Variants in CADM2 observed in about 807,000 individuals in gnomAD.
CADM2 encodes the protein cell adhesion molecule 2.
Under a neutral mutation model 49.8 loss-of-function variants are expected in CADM2, and 12 were observed. That is an observed-to-expected ratio of 0.24 (90% confidence interval 0.15 to 0.39). The LOEUF is 0.39. CADM2 is among the 10% of genes least tolerant of loss of function. The probability of loss-of-function intolerance (pLI) is 1.00; values close to 1 mark genes in which losing one functional copy is unlikely to be tolerated. For synonymous variants in CADM2, 214 were observed against 175.4 expected, an observed-to-expected ratio of 1.22 and a Z score of -1.74; for missense variants, 378 against 492.3, an observed-to-expected ratio of 0.77 and a Z score of 2.20.
At chr3:85,134,375 G>A (rs1371623832) in intron 1 of CADM2, among the ~76,000 whole-genome samples, 2 of 152,220 alleles carry the variant, frequency 1.3e-5, no homozygotes, top group Non-Finnish European at 1.5e-5. Context: ...CAGAGGAGGC[G>A]CCGAGAGCGA....
chr3:85,511,890 T>G, intron 1 of CADM2: 2 of 980,970 alleles, frequency 2.0e-6, no homozygotes, highest in Non-Finnish European at 1.2e-6. Context: ...GTAATCAGAC[T>G]GCATCAAGGT....
At position 85,529,815 on chromosome 3, in the gene CADM2, T is replaced by C. The variant is rs571946531; in HGVS notation, c.62-196707T>C. Among the ~76,000 whole-genome samples the C allele has an allele frequency of 5.3e-5, 8 of 152,214 alleles. No individual in the cohort carries two copies. The South Asian group carries it at 1.5e-3, about 28-fold the overall frequency. On this transcript the variant is annotated intron_variant, in intron 1 of 9. Coordinates refer to ENST00000383699, the MANE Select transcript of CADM2 (RefSeq NM_001167675.2). ...ACTCAGATTCACTCTTCTGGTTAAT[T>C]CATCTTCAGGTACCTGCTCCGATGT...
rs1212385299 is a variant in CADM2, at chr3:85,940,348, T to C, written c.791+4491T>C. Among the ~76,000 whole-genome samples, 3 of 151,272 alleles carry C rather than the reference T, an allele frequency of 2.0e-5. No homozygotes were observed. In the Admixed American group the frequency reaches 2.0e-4, roughly 10 times the overall value. On this transcript the variant is annotated intron_variant, in intron 7 of 9. Transcript: ENST00000383699. ...GAGCAAAACTCCATCCAAAAAAAAT[T>C]ACAGCAAAACAGTTTTATATAAAGT... is the stretch of plus-strand genomic sequence containing the variant.
At chr3:85,923,867 G>A (rs1719477809) in intron 6 of CADM2, among the ~76,000 whole-genome samples, 2 of 152,284 alleles carry the variant, frequency 1.3e-5, no homozygotes, top group Non-Finnish European at 1.5e-5. Flanking sequence ...AATCATAATT[G>A]AATTACATTT....
At chr3:85,879,217 A>G (rs1712371941) in intron 3 of CADM2, among the ~76,000 whole-genome samples, 1 of 152,024 alleles carries the variant, frequency 6.6e-6, no homozygotes, top group African/African-American at 2.4e-5. Context: ...CATCTATATC[A>G]TGGCATGTAG....
chr3:85,327,575 C>CACACACAA (rs2044787785), intron 1 of CADM2, among the ~76,000 whole-genome samples: 1 of 145,270 alleles, frequency 6.9e-6, no homozygotes, highest in Non-Finnish European at 1.5e-5. Flanking sequence ...CACACACACA[C>CACACACAA]ACACACACAC....
At position 85,269,152 on chromosome 3, in the gene CADM2, A is replaced by C. The variant is rs201779975; in HGVS notation, c.61+309484A>C. Among the ~76,000 whole-genome samples the C allele has an allele frequency of 1.3e-4, 19 of 151,492 alleles. No homozygotes were observed. The East Asian group carries it at 3.7e-3, about 29-fold the overall frequency. ...AATGAAATTAACACAAAATCTAGGG[A>C]AACATTTTTAAAGACTGTAATAAAA... On this transcript the variant is annotated intron_variant, in intron 1 of 9. Transcript: ENST00000383699.
intron 2 of CADM2, among the ~76,000 whole-genome samples, chr3:85,727,523 A>C (rs2067751848): frequency 6.6e-6 from 1 of 152,184 alleles, no homozygotes; most frequent in Admixed American, 6.6e-5. Flanking sequence ...AAAATCAGCC[A>C]ATCCTTGCCA....
intron 1 of CADM2, among the ~76,000 whole-genome samples, chr3:84,998,137 T>C (rs2033272602): frequency 6.6e-6 from 1 of 152,060 alleles, no homozygotes. Context: ...CCCACGAGGG[T>C]TCATTTGACA....
intron 3 of CADM2, among the ~76,000 whole-genome samples, chr3:85,883,028 T>C (rs1333666325): frequency 2.0e-5 from 3 of 152,198 alleles, no homozygotes; most frequent in Non-Finnish European, 4.4e-5. Context: ...ATCTACCTCA[T>C]CTGAAGTATT....
chr3:85,214,831 G>T (rs906768122), intron 1 of CADM2, among the ~76,000 whole-genome samples: 1 of 151,974 alleles, frequency 6.6e-6, no homozygotes. Flanking sequence ...GCTGCCAGTC[G>T]TGAGTCCCTC....
chr3:85,534,015 G>T (rs2061374136), intron 1 of CADM2, among the ~76,000 whole-genome samples: 1 of 152,092 alleles, frequency 6.6e-6, no homozygotes, highest in Admixed American at 6.6e-5. Context: ...TGACATTATG[G>T]TGCAACCCTA....
chr3:85,476,014 A>G (rs962232429), intron 1 of CADM2, among the ~76,000 whole-genome samples: 19 of 151,940 alleles, frequency 1.3e-4, no homozygotes, highest in Non-Finnish European at 2.4e-4. Context: ...TCATCTAAAT[A>G]AGACAAACTA....
chr3:85,394,448 G>A (rs1195072540), intron 1 of CADM2, among the ~76,000 whole-genome samples: 1 of 152,034 alleles, frequency 6.6e-6, no homozygotes, highest in African/African-American at 2.4e-5. Context: ...TATTGGAGCA[G>A]GGTTAAAAAT....
At chr3:85,904,092 C>T (rs1716480252) in intron 5 of CADM2, among the ~76,000 whole-genome samples, 1 of 152,140 alleles carries the variant, frequency 6.6e-6, no homozygotes, top group South Asian at 2.1e-4. Flanking sequence ...GAACTTCCCC[C>T]AACTCTGTTC....
intron 1 of CADM2, among the ~76,000 whole-genome samples, chr3:85,095,022 G>A (rs928002227): frequency 2.0e-5 from 3 of 152,208 alleles, no homozygotes; most frequent in African/African-American, 7.2e-5. Context: ...TACTTTCTTT[G>A]AACTTTGTTG....
chr3:85,552,212 C>T (rs2061821560), intron 1 of CADM2, among the ~76,000 whole-genome samples: 2 of 151,988 alleles, frequency 1.3e-5, no homozygotes, highest in Non-Finnish European at 2.9e-5. Flanking sequence ...TGATAATTGA[C>T]TCATTAAAGA....
intron 2 of CADM2, among the ~76,000 whole-genome samples, chr3:85,775,750 C>T (rs1017970270): frequency 6.6e-6 from 1 of 151,778 alleles, no homozygotes; most frequent in Non-Finnish European, 1.5e-5. Context: ...ATACAATAAA[C>T]TTACTGATAT....
intron 2 of CADM2, among the ~76,000 whole-genome samples, chr3:85,798,646 G>C (rs2071780456): frequency 6.6e-6 from 1 of 152,160 alleles, no homozygotes; most frequent in Non-Finnish European, 1.5e-5. Flanking sequence ...TTTGGTGCCA[G>C]TACCATGCTG....
Sources: gnomAD v4.1 joint callset for allele counts (sites outside exome capture counted in the v4.1 genomes callset) on GRCh38, gnomAD v4.1.1 for gene constraint, MANE v1.5 for transcripts, NCBI Gene and HGNC (gene_info 2026-07-23, HGNC 2026-07-21) for gene names.